Variants in GPHN observed in about 807,000 individuals in gnomAD.
GPHN encodes gephyrin.
In GPHN, 17 loss-of-function variants were observed where a neutral mutation model predicts 95.5. The ratio of observed to expected loss-of-function variants is 0.18; its 90% confidence interval spans 0.12 to 0.27. The LOEUF (loss-of-function observed/expected upper bound fraction) is 0.27, where lower values mean the gene tolerates loss of function less well. Among genes scored for constraint, GPHN ranks in the 10% least tolerant of loss-of-function variants. The pLI is 1.00. For synonymous variants in GPHN, 320 were observed against 322.5 expected (o/e 0.99, Z 0.08); for missense variants, 660 against 978.1 (o/e 0.67, Z 4.34).
chr14:67,190,934 A>G, the GPHN span, among the ~76,000 whole-genome samples: 2 of 152,234 alleles, frequency 1.3e-5, no homozygotes, highest in African/African-American at 2.4e-5. Context: ...AAATGCTGTC[A>G]TTTAAGAGCT....
intron 1 of GPHN, among the ~76,000 whole-genome samples, chr14:66,622,472 C>T (rs1254074068): frequency 2.0e-5 from 3 of 152,204 alleles, no homozygotes; most frequent in Non-Finnish European, 4.4e-5. Flanking sequence ...CAAATTTCTG[C>T]ATCCGGCTTG....
the GPHN span, chr14:67,441,863 C>G: frequency 6.5e-6 from 1 of 152,788 alleles, no homozygotes; most frequent in Admixed American, 6.6e-5. Context: ...TTGCCAAGTG[C>G]GGATCATGGG....
At chr14:67,705,725 A>AT in the GPHN span, among the ~76,000 whole-genome samples, 2 of 152,172 alleles carry the variant, frequency 1.3e-5, no homozygotes, top group African/African-American at 2.4e-5. Flanking sequence ...GTATGCAGGA[A>AT]TTTTTTGTAT....
chr14:67,647,658 TTTAAA>T, the GPHN span: 10 of 161,120 alleles, frequency 6.2e-5, no homozygotes, highest in South Asian at 1.9e-4. Flanking sequence ...ATCAAGCCAA[TTTAAA>T]TTAGACTAAT....
chr14:66,813,731 T>C (rs1018856687), intron 3 of GPHN, among the ~76,000 whole-genome samples: 1 of 152,134 alleles, frequency 6.6e-6, no homozygotes, highest in Non-Finnish European at 1.5e-5. Context: ...GAGACTTTAG[T>C]CCTAGGAGAA....
chr14:67,002,755 G>GT (rs1024363592), intron 9 of GPHN, among the ~76,000 whole-genome samples: 10 of 151,428 alleles, frequency 6.6e-5, no homozygotes, highest in African/African-American at 2.2e-4. Flanking sequence ...CCTGATATGT[G>GT]TAAGTACTCA....
intron 5 of GPHN, among the ~76,000 whole-genome samples, chr14:66,889,974 A>G (rs2064390874): frequency 6.6e-6 from 1 of 152,212 alleles, no homozygotes; most frequent in Non-Finnish European, 1.5e-5. Context: ...AGAAGAGTAC[A>G]GCGTAACAAT....
intron 2 of GPHN, among the ~76,000 whole-genome samples, chr14:66,717,269 C>A (rs554682958): frequency 7.2e-5 from 11 of 152,222 alleles, no homozygotes; most frequent in African/African-American, 2.6e-4. Flanking sequence ...TTTCTTTCTT[C>A]TACTTGTTCC....
intron 2 of GPHN, among the ~76,000 whole-genome samples, chr14:66,767,880 TGACTAAACA>T (rs1350464902): frequency 2.0e-5 from 3 of 151,930 alleles, no homozygotes; most frequent in African/African-American, 7.2e-5. Flanking sequence ...GTATCTGAGA[TGACTAAACA>T]GACTAAAGAA....
intron 1 of GPHN, among the ~76,000 whole-genome samples, chr14:66,567,974 A>G (rs2060527861): frequency 6.6e-6 from 1 of 152,216 alleles, no homozygotes; most frequent in Non-Finnish European, 1.5e-5. Context: ...AATGAAGAGT[A>G]CGATGAGTGA....
intron 5 of GPHN, among the ~76,000 whole-genome samples, chr14:66,882,097 C>A (rs2063958724): frequency 6.6e-6 from 1 of 151,844 alleles, no homozygotes; most frequent in South Asian, 2.1e-4. Flanking sequence ...GTATGCACTT[C>A]TGGCTTTGTA....
the GPHN span, among the ~76,000 whole-genome samples, chr14:67,452,361 T>A: frequency 1.3e-5 from 2 of 151,666 alleles, no homozygotes. Flanking sequence ...AGTTTCTCTG[T>A]ACAAGGTTTT....
chr14:67,644,322 T>C, the GPHN span, among the ~76,000 whole-genome samples: 1 of 152,192 alleles, frequency 6.6e-6, no homozygotes. Flanking sequence ...ATTATTATTA[T>C]CCCTATCTCA....
At chr14:66,861,738 GA>G (rs758900951) in intron 4 of GPHN, among the ~76,000 whole-genome samples, 2 of 152,038 alleles carry the variant, frequency 1.3e-5, no homozygotes, top group Non-Finnish European at 2.9e-5. Context: ...AGATGCTCCT[GA>G]ATGATCAATG....
At chr14:66,693,297 T>C (rs1479412341) in intron 2 of GPHN, among the ~76,000 whole-genome samples, 1 of 152,206 alleles carries the variant, frequency 6.6e-6, no homozygotes, top group African/African-American at 2.4e-5. Flanking sequence ...TTTAATAACT[T>C]TTTCTAATGA....
chr14:67,246,274 G>C, the GPHN span, among the ~76,000 whole-genome samples: 113 of 151,566 alleles, frequency 7.5e-4, 3 homozygotes, highest in Non-Finnish European at 1.6e-4. Flanking sequence ...GACCACAGGC[G>C]TGCCACCGCA....
the GPHN span, among the ~76,000 whole-genome samples, chr14:67,325,862 G>T: frequency 6.7e-6 from 1 of 150,350 alleles, no homozygotes; most frequent in Non-Finnish European, 1.5e-5. Flanking sequence ...AGGCTGGAAT[G>T]CAGTGGCGTA....
the GPHN span, among the ~76,000 whole-genome samples, chr14:67,625,577 G>T: frequency 6.6e-6 from 1 of 151,302 alleles, no homozygotes; most frequent in African/African-American, 2.4e-5. Context: ...CTACTCGGGA[G>T]GCTGAGGCAG....
chr14:66,694,654 G>T (rs1457991857), intron 2 of GPHN, among the ~76,000 whole-genome samples: 1 of 152,088 alleles, frequency 6.6e-6, no homozygotes, highest in East Asian at 1.9e-4. Flanking sequence ...GTAACCTTGG[G>T]TATGGCAGTG....
Sources: allele counts gnomAD v4.1 joint callset (sites outside exome capture counted in the v4.1 genomes callset), GRCh38; gene constraint gnomAD v4.1.1; transcripts MANE v1.5; gene names NCBI Gene and HGNC (gene_info 2026-07-23, HGNC 2026-07-21).